CNTN3: variants seen among roughly 807,000 people sequenced by gnomAD.
CNTN3 encodes the protein contactin 3.
A neutral mutation model predicts 119.1 loss-of-function variants in CNTN3; 60 were observed. That is an observed-to-expected ratio of 0.50 (90% confidence interval 0.41 to 0.62). CNTN3 has a LOEUF of 0.62. Ranked by LOEUF, CNTN3 falls within the 20% of genes least tolerant of loss-of-function variation. The pLI is 0.00. For synonymous variants in CNTN3, 450 were observed against 438.7 expected (o/e 1.03, Z -0.32); for missense variants, 1,101 against 1,242.4 (o/e 0.89, Z 1.71).
intron 12 of CNTN3, 44 bp from the exon 13 acceptor site, chr3:74,334,954 A>G (rs752163105): frequency 4.7e-6 from 7 of 1,500,124 alleles, no homozygotes; most frequent in Non-Finnish European, 6.4e-6. Context: ...TTTTATTGTG[A>G]TAAAAGACAT....
At chr3:74,286,389 C>G (rs571543234) in intron 19 of CNTN3, among the ~76,000 whole-genome samples, 59 of 151,918 alleles carry the variant, frequency 3.9e-4, no homozygotes, top group African/African-American at 1.4e-3. Context: ...TATGCAATGA[C>G]AGAAGATTTA....
intron 5 of CNTN3, among the ~76,000 whole-genome samples, chr3:74,406,099 T>A (rs1342783485): frequency 6.6e-6 from 1 of 152,102 alleles, no homozygotes; most frequent in African/African-American, 2.4e-5. Flanking sequence ...GTCTTTTGAG[T>A]ATTCCAAGGC....
chr3:74,335,006 C>T (rs1434673714), intron 12 of CNTN3, 96 bp from the exon 13 acceptor site: 2 of 797,436 alleles, frequency 2.5e-6, no homozygotes, highest in Non-Finnish European at 4.0e-6. Flanking sequence ...CTGTGTATGT[C>T]TGTAGATGCA....
At chr3:74,464,452 G>A (rs926692814) in intron 4 of CNTN3, among the ~76,000 whole-genome samples, 1 of 152,088 alleles carries the variant, frequency 6.6e-6, no homozygotes, top group African/African-American at 2.4e-5. Flanking sequence ...AATGACAGTG[G>A]TCTGGCATGA....
intron 13 of CNTN3, among the ~76,000 whole-genome samples, chr3:74,321,065 A>G (rs1349703677): frequency 2.0e-5 from 3 of 152,162 alleles, no homozygotes; most frequent in Non-Finnish European, 4.4e-5. Context: ...TCTCAGTTAT[A>G]AGTGGGAGCT....
At position 74,512,742 on chromosome 3, in the gene CNTN3, C is replaced by T. The variant is rs777338449; in HGVS notation, c.55+8316G>A. 1.4e-4 allele frequency among the ~76,000 whole-genome samples: 20 copies of T among 140,838 alleles called. No individual in the cohort carries two copies. The South Asian group carries it at 1.6e-3, about 12-fold the overall frequency. The allele number at this position is 140,838 out of a possible 152,430, so 92.4% of individuals were successfully genotyped here. ...AAAGAAAGAAACATGTCATTTGTGGCCTTGTATATACTGCAGTAAAATTAT... is the reference window on the plus strand; with the variant it reads ...AAAGAAAGAAACATGTCATTTGTGGTCTTGTATATACTGCAGTAAAATTAT... On this transcript the variant is annotated intron_variant, in intron 2 of 22. Transcript: ENST00000263665.
intron 11 of CNTN3, among the ~76,000 whole-genome samples, chr3:74,347,588 T>C (rs1703723382): frequency 6.6e-6 from 1 of 152,224 alleles, no homozygotes; most frequent in African/African-American, 2.4e-5. Flanking sequence ...TTTCTTTTTC[T>C]TTATGGCTAA....
chr3:74,427,547 C>T (rs1027452687), intron 4 of CNTN3, among the ~76,000 whole-genome samples: 1 of 151,996 alleles, frequency 6.6e-6, no homozygotes, highest in Non-Finnish European at 1.5e-5. Context: ...ATATGTGCCA[C>T]CCAAATGTAA....
intron 1 of CNTN3, among the ~76,000 whole-genome samples, chr3:74,541,762 CT>C (rs1328647857): frequency 6.6e-6 from 1 of 152,002 alleles, no homozygotes; most frequent in Non-Finnish European, 1.5e-5. Context: ...ATCATATATT[CT>C]TTTGTATGAA....
At chr3:74,369,403 A>G in intron 7 of CNTN3, 30 bp from the exon 8 acceptor site, 3 of 1,531,740 alleles carry the variant, frequency 2.0e-6, no homozygotes, top group Non-Finnish European at 2.6e-6. Context: ...GTTGTCTGCT[A>G]TTGTCTGGAA....
chr3:74,361,339 G>T (rs1704069400), intron 11 of CNTN3, among the ~76,000 whole-genome samples: 1 of 152,168 alleles, frequency 6.6e-6, no homozygotes, highest in Non-Finnish European at 1.5e-5. Flanking sequence ...CACTGAGCAA[G>T]TAAAGGCAAA....
intron 5 of CNTN3, among the ~76,000 whole-genome samples, chr3:74,399,841 A>G (rs1000339983): frequency 6.6e-6 from 1 of 152,146 alleles, no homozygotes; most frequent in Non-Finnish European, 1.5e-5. Flanking sequence ...TGCCCTTCCC[A>G]GCCTCTGGTA....
intron 1 of CNTN3, among the ~76,000 whole-genome samples, chr3:74,583,293 C>T (rs960851948): frequency 1.3e-5 from 2 of 151,632 alleles, no homozygotes; most frequent in South Asian, 2.1e-4. Context: ...AATAATAACT[C>T]GAGTCTGAAA....
chr3:74,484,769 T>C (rs1386150023), intron 4 of CNTN3, among the ~76,000 whole-genome samples: 1 of 152,182 alleles, frequency 6.6e-6, no homozygotes, highest in Non-Finnish European at 1.5e-5. Context: ...GCAGCACTAG[T>C]TCCAGAAGAC....
rs577194581 is a variant in CNTN3 at position 74,410,087 on chromosome 3, A to C, written c.454+14758T>G. ...CTACACTCCACTCATAGAAAGATTC[A>C]GAATGCCTTGACTGCACCCTGTGGA... On this transcript the variant is annotated intron_variant, in intron 5 of 22. Coordinates refer to ENST00000263665, the MANE Select transcript of CNTN3 (RefSeq NM_020872.3). 7.9e-5 allele frequency among the ~76,000 whole-genome samples: 12 copies of C among 152,318 alleles called. No homozygotes were observed. In the South Asian group the frequency reaches 2.1e-3, roughly 26 times the overall value.
chr3:74,453,504 T>C (rs1489205271), intron 4 of CNTN3, among the ~76,000 whole-genome samples: 1 of 152,208 alleles, frequency 6.6e-6, no homozygotes, highest in Non-Finnish European at 1.5e-5. Flanking sequence ...GTTTTTTGTG[T>C]CTCTATTTCC....
intron 13 of CNTN3, among the ~76,000 whole-genome samples, chr3:74,308,640 G>A (rs547037507): frequency 3.3e-5 from 5 of 151,894 alleles, no homozygotes; most frequent in South Asian, 2.1e-4. Context: ...TGGCCAGTGC[G>A]ATGTGTTGAT....
intron 1 of CNTN3, among the ~76,000 whole-genome samples, chr3:74,541,802 A>AT (rs1289338663): frequency 3.3e-5 from 5 of 152,094 alleles, no homozygotes; most frequent in Non-Finnish European, 5.9e-5. Context: ...AGAAAATAGC[A>AT]TTTTTTTTCT....
intron 11 of CNTN3, among the ~76,000 whole-genome samples, chr3:74,337,626 TATTC>T (rs926072502): frequency 3.3e-5 from 5 of 151,992 alleles, no homozygotes; most frequent in African/African-American, 9.7e-5. Flanking sequence ...TCATGAGACT[TATTC>T]ACTACCACAA....
Sources: gnomAD v4.1 joint callset for allele counts (sites outside exome capture counted in the v4.1 genomes callset) on GRCh38, gnomAD v4.1.1 for gene constraint, MANE v1.5 for transcripts, NCBI Gene and HGNC (gene_info 2026-07-23, HGNC 2026-07-21) for gene names.